The following CDK5RAP2 variants were observed in gnomAD, a reference collection of about 807,000 sequenced individuals.
CDK5RAP2 encodes CDK5 regulatory subunit-associated protein 2.
Under a neutral mutation model 232.9 loss-of-function variants are expected in CDK5RAP2, and 147 were observed. The ratio of observed to expected loss-of-function variants is 0.63; its 90% confidence interval spans 0.55 to 0.72. The LOEUF (loss-of-function observed/expected upper bound fraction) is 0.72, where lower values mean the gene tolerates loss of function less well. CDK5RAP2 is among the 30% of genes least tolerant of loss of function. The pLI, the probability that CDK5RAP2 is intolerant of heterozygous loss-of-function variation, is 0.00. For synonymous variants in CDK5RAP2, 833 were observed against 833.7 expected, an observed-to-expected ratio of 1.00 and a Z score of 0.01; for missense variants, 2,195 against 2,231.5, an observed-to-expected ratio of 0.98 and a Z score of 0.33.
chr9:120,498,296 T>C (rs2039411716), intron 12 of CDK5RAP2, among the ~76,000 whole-genome samples: 1 of 152,192 alleles, frequency 6.6e-6, no homozygotes, highest in Admixed American at 6.5e-5. Context: ...CCGACGGACT[T>C]CATTGCCCCC....
In CDK5RAP2 at chr9:120,422,630, C is replaced by T; in HGVS notation, c.4004+63G>A. On this transcript the variant is annotated intron_variant, in intron 26 of 37. Coordinates refer to ENST00000349780, the MANE Select transcript of CDK5RAP2 (RefSeq NM_018249.6). ...GGAAGGAGCCAAAATATTTTAAAAG[C>T]TGGCAGGTAAATCAGACCTAGAAAG... 7.2e-6 allele frequency: 9 copies of T among 1,248,346 alleles called. No homozygotes were observed. The South Asian group carries it at 9.5e-5, about 13-fold the overall frequency. The allele number at this position is 1,248,346 out of a possible 1,614,324, so 77.3% of individuals were successfully genotyped here.
At chr9:120,488,945 C>T (rs1241883544) in intron 13 of CDK5RAP2, among the ~76,000 whole-genome samples, 1 of 152,204 alleles carries the variant, frequency 6.6e-6, no homozygotes, top group Non-Finnish European at 1.5e-5. Flanking sequence ...TTTGTGGAAC[C>T]CATGTCTCTC....
intron 25 of CDK5RAP2, among the ~76,000 whole-genome samples, chr9:120,432,208 G>T (rs2035323952): frequency 6.6e-6 from 1 of 152,158 alleles, no homozygotes; most frequent in Non-Finnish European, 1.5e-5. Context: ...TTATACAAAA[G>T]AATGCCCTGC....
chr9:120,515,830 C>G (rs1320050958), intron 12 of CDK5RAP2, among the ~76,000 whole-genome samples: 1 of 152,230 alleles, frequency 6.6e-6, no homozygotes, highest in Non-Finnish European at 1.5e-5. Flanking sequence ...TACCACCTCA[C>G]ACCAGTTAGA....
At position 120,447,847 on chromosome 9, in the gene CDK5RAP2, C is replaced by A. The variant is rs74691300; in HGVS notation, c.3025+48G>T. The A allele has an allele frequency of 0.026, 34,184 of 1,316,414 alleles. 536 individuals are homozygous for A. Among genetic ancestry groups the A allele is most frequent in the East Asian group, 0.066 (2,872 of 43,572 alleles). 81.5% of individuals were successfully genotyped at this position (1,316,414 alleles called of 1,614,324 possible). A position where few individuals can be genotyped will look rare whatever the true frequency, so the allele number is the denominator to read the frequency against. On this transcript the variant is annotated intron_variant, in intron 22 of 37. Coordinates refer to ENST00000349780, the MANE Select transcript of CDK5RAP2 (RefSeq NM_018249.6). ...AGGTTGACATTTCAAGCAGTTCTAT[C>A]GAGCCGTTTGTCTAGCTCACAGGGA...
intron 22 of CDK5RAP2, among the ~76,000 whole-genome samples, chr9:120,446,699 A>G (rs1487817338): frequency 6.6e-6 from 1 of 151,134 alleles, no homozygotes; most frequent in African/African-American, 2.4e-5. Flanking sequence ...TCCTCACTCC[A>G]CTCCAGTCAC....
At chr9:120,533,488 A>T (rs905141182) in intron 7 of CDK5RAP2, among the ~76,000 whole-genome samples, 2 of 151,970 alleles carry the variant, frequency 1.3e-5, no homozygotes, top group African/African-American at 4.8e-5. Context: ...GCACCACCCC[A>T]CAGCTGCTCA....
chr9:120,564,624 G>C (rs1340994519), intron 3 of CDK5RAP2, among the ~76,000 whole-genome samples: 1 of 152,072 alleles, frequency 6.6e-6, no homozygotes, highest in East Asian at 1.9e-4. Flanking sequence ...TATAAATTAT[G>C]GCTCAATCTA....
At chr9:120,469,519 C>G (rs1258721611) in intron 17 of CDK5RAP2, among the ~76,000 whole-genome samples, 5 of 152,170 alleles carry the variant, frequency 3.3e-5, no homozygotes, top group African/African-American at 1.2e-4. Context: ...GGTCTCAAAC[C>G]TCCTATTTCT....
At chr9:120,561,527 T>C (rs1588660788) in intron 3 of CDK5RAP2, among the ~76,000 whole-genome samples, 1 of 152,194 alleles carries the variant, frequency 6.6e-6, no homozygotes, top group East Asian at 1.9e-4. Context: ...TCACAACTCC[T>C]GGGTTCAAGC....
intron 12 of CDK5RAP2, among the ~76,000 whole-genome samples, 153 bp downstream of exon 12, chr9:120,518,274 T>C (rs1369536108): frequency 6.9e-6 from 1 of 145,716 alleles, no homozygotes; most frequent in Non-Finnish European, 1.5e-5. Context: ...AAATACCAAA[T>C]AGATCAAATG....
intron 2 of CDK5RAP2, among the ~76,000 whole-genome samples, chr9:120,570,569 G>A (rs1297413375): frequency 6.6e-6 from 1 of 152,242 alleles, no homozygotes; most frequent in Non-Finnish European, 1.5e-5. Context: ...GCCAGGCACA[G>A]TGGCTCATGC....
intron 11 of CDK5RAP2, among the ~76,000 whole-genome samples, chr9:120,520,743 G>C (rs1227404039): frequency 6.7e-6 from 1 of 149,032 alleles, no homozygotes; most frequent in Non-Finnish European, 1.5e-5. Context: ...TGTATCATGT[G>C]ATATCTCATA....
In CDK5RAP2 at chr9:120,453,825, G is replaced by A. The variant is rs79089953; in HGVS notation, c.2424C>T (p.Phe808=). The part of the protein sequence containing the change: ...VVRELLLGQL[F]LTEQEVSGEH... Reference sequence around the variant, plus strand: ...CTCCAGAAACTTCCTGCTCTGTCAAGAATAGTTGTCCCAGAAGCAGTTCCC... The same window carrying A: ...CTCCAGAAACTTCCTGCTCTGTCAAAAATAGTTGTCCCAGAAGCAGTTCCC... The change falls in exon 21 of 38, where the codon TTC becomes TTT. Residue 808 remains phenylalanine (F), a synonymous_variant. Transcript: ENST00000349780. 113 of 1,614,192 alleles carry A rather than the reference G, an allele frequency of 7.0e-5. No homozygotes were observed. In the African/African-American group the frequency reaches 1.4e-3, roughly 20 times the overall value.
intron 35 of CDK5RAP2, among the ~76,000 whole-genome samples, chr9:120,398,123 G>A (rs1487046688): frequency 6.6e-6 from 1 of 152,156 alleles, no homozygotes; most frequent in Non-Finnish European, 1.5e-5. Context: ...TGGGCATCAA[G>A]GGCACTCACT....
At position 120,518,581 on chromosome 9, in the gene CDK5RAP2, T is replaced by A. The variant is rs1256402442; in HGVS notation, c.1157A>T (p.Gln386Leu). Residue 386 changes from glutamine (Q) to leucine (L), a missense_variant, in exon 12 of 38, where the codon CAA becomes CTA. Physicochemically the swap from Gln to Leu is moderately radical, Grantham distance 113 (BLOSUM62 -2). Coordinates refer to ENST00000349780, the MANE Select transcript of CDK5RAP2 (RefSeq NM_018249.6). ...GTTCTCTGTACTCTTGGTGAGGTTT[T>A]GTGAGCGCAGCGCAGCCGAAAGGGC... is the stretch of plus-strand genomic sequence containing the variant. Reference protein sequence around the residue: ...KEALSAALRSQNLTKSTENHR... With the variant: ...KEALSAALRSLNLTKSTENHR... 2 of 1,613,714 alleles carry A rather than the reference T, an allele frequency of 1.2e-6. No homozygotes were observed. The highest frequency in any genetic ancestry group is 1.7e-6 in the Non-Finnish European group (2 of 1,179,996).
chr9:120,431,224 G>C (rs2035267357), intron 25 of CDK5RAP2, among the ~76,000 whole-genome samples: 1 of 152,082 alleles, frequency 6.6e-6, no homozygotes, highest in African/African-American at 2.4e-5. Context: ...TAACTAACCT[G>C]CACATTGCGC....
At chr9:120,434,046 T>C (rs1452384307) in intron 25 of CDK5RAP2, among the ~76,000 whole-genome samples, 1 of 152,200 alleles carries the variant, frequency 6.6e-6, no homozygotes. Context: ...ACATGCAAGA[T>C]GGTTAAGATG....
At chr9:120,574,382 A>C (rs2042955988) in intron 1 of CDK5RAP2, among the ~76,000 whole-genome samples, 3 of 152,214 alleles carry the variant, frequency 2.0e-5, no homozygotes, top group Admixed American at 2.0e-4. Flanking sequence ...ACTCACGAGA[A>C]ATGACAATGT....
Sources: allele counts gnomAD v4.1 joint callset (sites outside exome capture counted in the v4.1 genomes callset), GRCh38; gene constraint gnomAD v4.1.1; transcripts MANE v1.5; gene names NCBI Gene and HGNC (gene_info 2026-07-23, HGNC 2026-07-21).